TEX2: variants seen among roughly 807,000 people sequenced by gnomAD.
TEX2 encodes testis-expressed protein 2.
In TEX2, 53 loss-of-function variants were observed where a neutral mutation model predicts 106.9. That is an observed-to-expected ratio of 0.50 (90% CI 0.40 to 0.62). The LOEUF is 0.62. TEX2 is among the 20% of genes least tolerant of loss of function. The probability of loss-of-function intolerance (pLI) is 0.00; values close to 1 mark genes in which losing one functional copy is unlikely to be tolerated. For missense variants in TEX2, 1,207 were observed against 1,379.0 expected, an observed-to-expected ratio of 0.88 and a Z score of 1.98; for synonymous variants, 523 against 534.8, an observed-to-expected ratio of 0.98 and a Z score of 0.30.
intron 4 of TEX2, among the ~76,000 whole-genome samples, chr17:64,191,539 G>A (rs573177350): frequency 2.5e-4 from 38 of 152,206 alleles, no homozygotes; most frequent in African/African-American, 7.9e-4. Context: ...AAAAGAGGTC[G>A]GGCACAGTGG....
intron 7 of TEX2, among the ~76,000 whole-genome samples, chr17:64,165,422 T>C (rs2031083220): frequency 6.6e-6 from 1 of 152,072 alleles, no homozygotes; most frequent in African/African-American, 2.4e-5. Flanking sequence ...CCACAAGAGG[T>C]ATGATTTCCC....
intron 2 of TEX2, among the ~76,000 whole-genome samples, chr17:64,204,669 T>G (rs74807979): frequency 3.9e-5 from 6 of 152,180 alleles, no homozygotes; most frequent in Non-Finnish European, 8.8e-5. Flanking sequence ...AAAAACACGC[T>G]CATGCCCTAG....
chr17:64,229,653 T>G (rs997280381), intron 1 of TEX2, among the ~76,000 whole-genome samples: 3 of 152,336 alleles, frequency 2.0e-5, no homozygotes, highest in African/African-American at 7.2e-5. Context: ...TAGAAAACGC[T>G]GACAATAGTG....
At chr17:64,203,580 G>T (rs1374332236) in intron 2 of TEX2, among the ~76,000 whole-genome samples, 1 of 152,090 alleles carries the variant, frequency 6.6e-6, no homozygotes, top group Non-Finnish European at 1.5e-5. Flanking sequence ...TATGGCAGGG[G>T]TGGGACCGTC....
intron 5 of TEX2, among the ~76,000 whole-genome samples, chr17:64,184,345 T>C (rs1250749110): frequency 6.6e-6 from 1 of 152,010 alleles, no homozygotes; most frequent in Non-Finnish European, 1.5e-5. Flanking sequence ...CAAGTGATCC[T>C]CCTGCCTTGG....
intron 5 of TEX2, among the ~76,000 whole-genome samples, chr17:64,178,149 C>T (rs1413007260): frequency 1.3e-5 from 2 of 152,230 alleles, no homozygotes; most frequent in Non-Finnish European, 2.9e-5. Flanking sequence ...GCGAAATACC[C>T]TGATCCTTAC....
chr17:64,214,329 C>G (rs1232511564), intron 1 of TEX2, 87 bp from the exon 2 acceptor site: 1 of 1,127,240 alleles, frequency 8.9e-7, no homozygotes, highest in Non-Finnish European at 1.3e-6. Context: ...ACAGATGAAG[C>G]TGTTTAAGTG....
chr17:64,193,517 G>T, intron 4 of TEX2, 42 bp downstream of exon 4: 2 of 1,378,114 alleles, frequency 1.5e-6, no homozygotes, highest in Non-Finnish European at 9.6e-7. Context: ...CTCCCTAGTG[G>T]CCCTTTAAAA....
At chr17:64,190,808 C>A (rs889955022) in intron 4 of TEX2, among the ~76,000 whole-genome samples, 2 of 152,204 alleles carry the variant, frequency 1.3e-5, no homozygotes, top group Non-Finnish European at 2.9e-5. Flanking sequence ...GAACCTGCAT[C>A]TTAAGATCCC....
intron 7 of TEX2, among the ~76,000 whole-genome samples, chr17:64,165,144 A>G (rs180748064): frequency 6.6e-6 from 1 of 152,372 alleles, no homozygotes; most frequent in Admixed American, 6.5e-5. Context: ...GGAACATTTG[A>G]TAACATTATC....
intron 6 of TEX2, among the ~76,000 whole-genome samples, chr17:64,175,242 G>C (rs574636136): frequency 6.6e-6 from 1 of 152,290 alleles, no homozygotes; most frequent in Non-Finnish European, 1.5e-5. Context: ...GGCTCCTCTG[G>C]TCTGCAGGCA....
chr17:64,248,631 G>T lies in TEX2; in HGVS notation c.-26+14537C>A, dbSNP rs553151323. Among the ~76,000 whole-genome samples the T allele has an allele frequency of 3.9e-5, 6 of 152,308 alleles. No individual in the cohort carries two copies. The South Asian group carries it at 1.2e-3, about 32-fold the overall frequency. ...AAATCATCCCAGTGATTAGACGAGG[G>T]TTCCCATGCCAGATGGTAGGCTTCC... On this transcript the variant is annotated intron_variant, in intron 1 of 11. Transcript: ENST00000584379.
At position 64,214,153 on chromosome 17, in the gene TEX2, T is replaced by C. The variant is rs1441631683; in HGVS notation, c.65A>G (p.Lys22Arg). 1.9e-6 allele frequency: 3 copies of C among 1,613,970 alleles called. No individual in the cohort carries two copies. Among genetic ancestry groups the C allele is most frequent in the Non-Finnish European group, 2.5e-6 (3 of 1,180,002 alleles). The change falls in exon 2 of 12, where the codon AAA becomes AGA. Residue 22 changes from lysine (K) to arginine (R), a missense_variant. By Grantham distance (26) the Lys-to-Arg change is conservative (BLOSUM62 2). This residue lies in a region of TEX2 where 1,067 missense variants were observed against 1,193.6 expected (regional missense o/e 0.89). Coordinates refer to ENST00000584379, the MANE Select transcript of TEX2 (RefSeq NM_001288732.2). ...GGACACGGACCTCTGCACGTGCACTTTAGGGGCTGATGGTTTTGGCATGTC... is the reference window on the plus strand; with the variant it reads ...GGACACGGACCTCTGCACGTGCACTCTAGGGGCTGATGGTTTTGGCATGTC... ...TTDMPKPSAP[K>R]VHVQRSVSRD...
chr17:64,206,754 G>A (rs1451677257), intron 2 of TEX2, among the ~76,000 whole-genome samples: 1 of 151,672 alleles, frequency 6.6e-6, no homozygotes, highest in Non-Finnish European at 1.5e-5. Flanking sequence ...GCAGAGAAGG[G>A]GGTTCCACCA....
At chr17:64,243,541 C>G (rs978925771) in intron 1 of TEX2, among the ~76,000 whole-genome samples, 1 of 152,178 alleles carries the variant, frequency 6.6e-6, no homozygotes, top group African/African-American at 2.4e-5. Context: ...GCCTGGCTGG[C>G]AGGTTCCAGC....
chr17:64,179,439 T>G (rs777198677), intron 5 of TEX2, among the ~76,000 whole-genome samples: 6 of 152,226 alleles, frequency 3.9e-5, no homozygotes, highest in African/African-American at 7.2e-5. Flanking sequence ...GCAACCTGCT[T>G]GGGTGCCCTT....
intron 3 of TEX2, 80 bp from the exon 4 acceptor site, chr17:64,193,969 C>T: frequency 9.9e-7 from 1 of 1,010,478 alleles, no homozygotes. Flanking sequence ...GCACAAAGTG[C>T]AAACCTTATA....
In TEX2 at chr17:64,213,827, GC is replaced by G; in HGVS notation, c.390del (p.Pro131HisfsTer14). 6.2e-7 allele frequency: 1 copy of G among 1,614,212 alleles called. No homozygotes were observed. The highest frequency in any genetic ancestry group is 8.5e-7 in the Non-Finnish European group (1 of 1,180,046). On this transcript the variant is annotated frameshift_variant, in exon 2 of 12. Transcript: ENST00000584379. LOFTEE classifies it high-confidence loss of function. This position sits in a 1 kb window ranked among gnomAD's most constrained non-coding sequence, Gnocchi z 4.4. ...GACGACCCTGGGGACACAGCCAATG[GC>G]ACTGTACTTAATACTTGTGCTGCTG... Reference protein sequence around the residue: ...PVPAAQVLSTVPLAVSPGSSS... With the variant: ...PVPAAQVLSTXPLAVSPGSSS...
chr17:64,197,765 T>C (rs1159552119), intron 2 of TEX2, among the ~76,000 whole-genome samples: 1 of 152,190 alleles, frequency 6.6e-6, no homozygotes, highest in Admixed American at 6.5e-5. Flanking sequence ...AGTCTTGCTA[T>C]GTTGCCCAAG....
Sources: allele counts gnomAD v4.1 joint callset (sites outside exome capture counted in the v4.1 genomes callset), GRCh38; gene constraint gnomAD v4.1.1; regional missense constraint gnomAD v4.1.1; non-coding constraint Gnocchi (gnomAD v3.1); transcripts MANE v1.5; gene names NCBI Gene and HGNC (gene_info 2026-07-23, HGNC 2026-07-21).